POP1: variants seen among roughly 807,000 people sequenced by gnomAD.
POP1 encodes ribonucleases P/MRP protein subunit POP1.
A neutral mutation model predicts 102.2 loss-of-function variants in POP1; 75 were observed. That is an observed-to-expected ratio of 0.73 (90% confidence interval 0.61 to 0.89). The LOEUF is 0.89. Among genes scored for constraint, POP1 ranks in the 40% least tolerant of loss-of-function variants. The probability of loss-of-function intolerance (pLI) is 0.00; values close to 1 mark genes in which losing one functional copy is unlikely to be tolerated. For synonymous variants in POP1, 436 were observed against 464.1 expected, an observed-to-expected ratio of 0.94 and a Z score of 0.78; for missense variants, 1,116 against 1,267.4, an observed-to-expected ratio of 0.88 and a Z score of 1.81.
chr8:98,134,886 TATG>T (rs1313280400), intron 7 of POP1, among the ~76,000 whole-genome samples: 3 of 152,200 alleles, frequency 2.0e-5, no homozygotes, highest in Non-Finnish European at 4.4e-5. Context: ...AAGTATATAA[TATG>T]ATGATTTGAT....
intron 14 of POP1, among the ~76,000 whole-genome samples, chr8:98,153,284 C>T (rs1225321319): frequency 1.3e-5 from 2 of 152,044 alleles, no homozygotes; most frequent in Non-Finnish European, 2.9e-5. Context: ...AGCTTATGTT[C>T]TTGATGGAGG....
chr8:98,127,535 T>A, intron 2 of POP1, 60 bp from the exon 3 acceptor site: 1 of 1,593,826 alleles, frequency 6.3e-7, no homozygotes, highest in Non-Finnish European at 8.6e-7. Flanking sequence ...AAATATTAGT[T>A]CTCCACTATA....
chr8:98,130,116 G>C lies in POP1; in HGVS notation c.625G>C (p.Ala209Pro). The C allele has an allele frequency of 6.2e-7, 1 of 1,614,206 alleles. No homozygotes were observed. Among genetic ancestry groups the C allele is most frequent in the Non-Finnish European group, 8.5e-7 (1 of 1,180,034 alleles). The change falls in exon 5 of 16, where the codon GCC becomes CCC. Residue 209 changes from alanine (A) to proline (P), a missense_variant. Transcript: ENST00000401707. ...TTGGTTAGAAACTCACATCTGGCACGCCAAGCGGTTTCATATGGTCAAGAA... is the reference window on the plus strand; with the variant it reads ...TTGGTTAGAAACTCACATCTGGCACCCCAAGCGGTTTCATATGGTCAAGAA... ...NIWLETHIWHAKRFHMVKKWG... is the reference protein window; with the variant it reads ...NIWLETHIWHPKRFHMVKKWG...
At chr8:98,121,600 CT>C (rs1315670212) in intron 1 of POP1, among the ~76,000 whole-genome samples, 1 of 149,550 alleles carries the variant, frequency 6.7e-6, no homozygotes, top group Non-Finnish European at 1.5e-5. Context: ...TCAATGCAAC[CT>C]CCACCTCCTG....
At chr8:98,150,394 G>C in intron 13 of POP1, 91 bp from the exon 14 acceptor site, 3 of 1,387,470 alleles carry the variant, frequency 2.2e-6, no homozygotes, top group Non-Finnish European at 3.1e-6. Flanking sequence ...TTTGAGGGGC[G>C]TTTAGGTTGT....
rs3824145 is a variant in POP1 at position 98,128,434 on chromosome 8, C to A, written c.380C>A (p.Ser127Ter). ...TTAAAAGCTGTGACCCAGAAGTCTTCGAATTCACTGGTTTTTCAGACTCTG... is the reference window on the plus strand; with the variant it reads ...TTAAAAGCTGTGACCCAGAAGTCTTAGAATTCACTGGTTTTTCAGACTCTG... ...AMLKAVTQKS[S>*]NSLVFQTLPR... The change falls in exon 4 of 16, where the codon TCG becomes TAG. Residue 127 changes from serine (S) to a stop codon, truncating the protein, a stop_gained. Transcript: ENST00000401707. LOFTEE classifies it high-confidence loss of function. 6.2e-6 allele frequency: 10 copies of A among 1,614,048 alleles called. No homozygotes were observed. Among genetic ancestry groups the A allele is most frequent in the Non-Finnish European group, 7.6e-6 (9 of 1,179,982 alleles).
chr8:98,123,497 G>C lies in POP1; in HGVS notation c.142+18G>C. 6.2e-7 allele frequency: 1 copy of C among 1,611,138 alleles called. No homozygotes were observed. Among genetic ancestry groups the C allele is most frequent in the South Asian group, 1.1e-5 (1 of 90,966 alleles). ...AAAACAAGGTAAAATACACATAAGA[G>C]ACCAGGCATGGTGGCTCACGCCTGT... On this transcript the variant is annotated intron_variant, in intron 2 of 15. Coordinates refer to ENST00000401707, the MANE Select transcript of POP1 (RefSeq NM_001145860.2).
At chr8:98,129,929 T>C in intron 4 of POP1, 49 bp from the exon 5 acceptor site, 1 of 1,603,386 alleles carries the variant, frequency 6.2e-7, no homozygotes, top group Non-Finnish European at 8.5e-7. Flanking sequence ...GTTAACTCTG[T>C]TTTGAGATTC....
chr8:98,134,826 T>A (rs1443636536), intron 7 of POP1, among the ~76,000 whole-genome samples, 167 bp downstream of exon 7: 3 of 152,234 alleles, frequency 2.0e-5, no homozygotes, highest in Non-Finnish European at 2.9e-5. Flanking sequence ...TAAAAAACTT[T>A]AAAAATTTGT....
Position 98,157,678 on chromosome 8 carries a change from G to A in POP1, c.2482G>A (p.Gly828Arg). The change falls in exon 16 of 16, where the codon GGA becomes AGA. Residue 828 changes from glycine (G) to arginine (R), a missense_variant. Physicochemically the swap from Gly to Arg is moderately radical, Grantham distance 125. Coordinates refer to ENST00000401707, the MANE Select transcript of POP1 (RefSeq NM_001145860.2). ...TGGGCCCAGTTCTGAGGATAGTCGG[G>A]GAGGCCGGCGAGCTCCCGGCAGAGG... The part of the protein sequence containing the change: ...WCGPSSEDSR[G>R]GRRAPGRGQQ... The A allele has an allele frequency of 6.2e-7, 1 of 1,614,202 alleles. No individual in the cohort carries two copies. Among genetic ancestry groups the A allele is most frequent in the Non-Finnish European group, 8.5e-7 (1 of 1,180,020 alleles).
At chr8:98,137,532 C>T (rs1369916817) in intron 9 of POP1, among the ~76,000 whole-genome samples, 1 of 152,116 alleles carries the variant, frequency 6.6e-6, no homozygotes, top group East Asian at 1.9e-4. Flanking sequence ...AGGTGATCCG[C>T]CCACCTTGGC....
Position 98,149,016 on chromosome 8 carries a change from T to C in POP1, c.1902+10T>C, listed in dbSNP as rs773160253. On this transcript the variant is annotated intron_variant, in intron 13 of 15. Coordinates refer to ENST00000401707, the MANE Select transcript of POP1 (RefSeq NM_001145860.2). Reference sequence around the variant, plus strand: ...TTTCTGGATTCCATTTGTAAGTTACTTTTTGATTCTAACAGTTGCAATATT... The same window carrying C: ...TTTCTGGATTCCATTTGTAAGTTACCTTTTGATTCTAACAGTTGCAATATT... 23 of 1,605,912 alleles carry C rather than the reference T, an allele frequency of 1.4e-5. No individual in the cohort carries two copies. The highest frequency in any genetic ancestry group is 2.0e-5 in the Non-Finnish European group (23 of 1,174,330).
intron 7 of POP1, among the ~76,000 whole-genome samples, chr8:98,135,708 T>A (rs1035259738): frequency 1.8e-4 from 27 of 151,724 alleles, no homozygotes; most frequent in Admixed American, 1.3e-3. Flanking sequence ...TTAAAAAAAA[T>A]TTTTTTTTCC....
intron 10 of POP1, 73 bp downstream of exon 10, chr8:98,140,262 A>G: frequency 8.7e-7 from 1 of 1,148,552 alleles, no homozygotes. Flanking sequence ...TTGGGCCTCC[A>G]ACATGTAGTA....
At chr8:98,124,725 G>T (rs999564596) in intron 2 of POP1, among the ~76,000 whole-genome samples, 1 of 152,090 alleles carries the variant, frequency 6.6e-6, no homozygotes, top group Admixed American at 6.6e-5. Flanking sequence ...TTTAGAGCTG[G>T]TATATTTTAT....
chr8:98,140,773 A>AGG lies in POP1; in HGVS notation c.1479_1480insGG (p.Thr494GlyfsTer15), dbSNP rs753404334. Reference sequence around the variant, plus strand: ...TTCTTTTTGTTGTTGTTAAAGGAATAACATCACCAGCAGAAATTCCGGCAG... The same window carrying AGG: ...TTCTTTTTGTTGTTGTTAAAGGAATAGGACATCACCAGCAGAAATTCCGGCAG... On this transcript the variant is annotated frameshift_variant, in exon 11 of 16. Transcript: ENST00000401707. LOFTEE classifies it high-confidence loss of function. The AGG allele has an allele frequency of 1.2e-6, 2 of 1,613,866 alleles. No individual in the cohort carries two copies. The highest frequency in any genetic ancestry group is 2.2e-5 in the South Asian group (2 of 91,064).
chr8:98,137,203 G>A (rs577045170), intron 9 of POP1, among the ~76,000 whole-genome samples: 1 of 152,230 alleles, frequency 6.6e-6, no homozygotes, highest in African/African-American at 2.4e-5. Context: ...TGTGAGTCTT[G>A]TAGAGGGTCT....
chr8:98,126,239 T>C (rs573269049), intron 2 of POP1, among the ~76,000 whole-genome samples: 1 of 152,260 alleles, frequency 6.6e-6, no homozygotes, highest in South Asian at 2.1e-4. Flanking sequence ...CACAATCATG[T>C]GGATTATAGT....
At chr8:98,118,006 C>G (rs1213857132) in intron 1 of POP1, 1 of 151,578 alleles carries the variant, frequency 6.6e-6, no homozygotes, top group Non-Finnish European at 1.5e-5. Context: ...GTGTAAGGCA[C>G]TCTGCTAGAT....
Sources: allele counts gnomAD v4.1 joint callset (sites outside exome capture counted in the v4.1 genomes callset), GRCh38; gene constraint gnomAD v4.1.1; transcripts MANE v1.5; gene names NCBI Gene and HGNC (gene_info 2026-07-23, HGNC 2026-07-21).